Variants in THSD7A observed in about 807,000 individuals in gnomAD.
THSD7A encodes thrombospondin type 1 domain containing 7A.
Under a neutral mutation model 231.3 loss-of-function variants are expected in THSD7A, and 96 were observed. That is an observed-to-expected ratio of 0.41 (90% CI 0.35 to 0.49). The LOEUF (loss-of-function observed/expected upper bound fraction) is 0.49, where lower values mean the gene tolerates loss of function less well. Ranked by LOEUF, THSD7A falls within the 20% of genes least tolerant of loss-of-function variation. The pLI is 0.05. For missense variants in THSD7A, 2,290 were observed against 2,070.2 expected (o/e 1.11, Z -2.06); for synonymous variants, 940 against 743.3 (o/e 1.26, Z -4.30).
At chr7:11,439,666 C>G (rs907907707) in intron 13 of THSD7A, among the ~76,000 whole-genome samples, 1 of 151,976 alleles carries the variant, frequency 6.6e-6, no homozygotes, top group African/African-American at 2.4e-5. Flanking sequence ...TCAGAACATT[C>G]CCTTAAACCA....
At chr7:11,552,942 C>T (rs1789692987) in intron 4 of THSD7A, among the ~76,000 whole-genome samples, 1 of 152,070 alleles carries the variant, frequency 6.6e-6, no homozygotes, top group Non-Finnish European at 1.5e-5. Flanking sequence ...CCCCCTCCCT[C>T]GGGTCTTTTC....
At chr7:11,379,974 C>T (rs1341019267) in intron 24 of THSD7A, among the ~76,000 whole-genome samples, 1 of 152,156 alleles carries the variant, frequency 6.6e-6, no homozygotes, top group Non-Finnish European at 1.5e-5. Context: ...GATTTTATAG[C>T]TGCTATTTTG....
intron 4 of THSD7A, among the ~76,000 whole-genome samples, chr7:11,551,142 T>C (rs1213891314): frequency 1.3e-5 from 2 of 152,142 alleles, no homozygotes; most frequent in Non-Finnish European, 2.9e-5. Context: ...GCTAGTCATA[T>C]GCTGAAAATT....
intron 1 of THSD7A, among the ~76,000 whole-genome samples, chr7:11,754,953 A>T (rs1466412423): frequency 6.6e-6 from 1 of 151,962 alleles, no homozygotes; most frequent in Non-Finnish European, 1.5e-5. Flanking sequence ...TATGTTGAGT[A>T]AAAAAAAGTT....
intron 4 of THSD7A, among the ~76,000 whole-genome samples, chr7:11,569,455 C>T (rs1008946798): frequency 1.1e-4 from 17 of 151,990 alleles, no homozygotes; most frequent in Admixed American, 3.3e-4. Context: ...ATCAGGGTAA[C>T]GCAAATCAAA....
chr7:11,731,645 T>A (rs180797397), intron 1 of THSD7A, among the ~76,000 whole-genome samples: 21 of 151,700 alleles, frequency 1.4e-4, no homozygotes, highest in African/African-American at 5.1e-4. Flanking sequence ...TTGCCTGATC[T>A]AAATAAATAA....
rs555001206 is a variant in THSD7A at position 11,625,409 on chromosome 7, T to G, written c.1022+10721A>C. 2.0e-5 allele frequency among the ~76,000 whole-genome samples: 3 copies of G among 152,274 alleles called. No individual in the cohort carries two copies. In the East Asian group the frequency reaches 5.8e-4, roughly 29 times the overall value. ...TTTTGTCCACTTACAATTCAATTAC[T>G]ATACTGGTAAATACTACTCAAACAA... is the stretch of plus-strand genomic sequence containing the variant. On this transcript the variant is annotated intron_variant, in intron 2 of 27. Coordinates refer to ENST00000423059, the MANE Select transcript of THSD7A (RefSeq NM_015204.3).
intron 11 of THSD7A, among the ~76,000 whole-genome samples, chr7:11,456,469 A>G (rs1785312443): frequency 6.6e-6 from 1 of 152,058 alleles, no homozygotes; most frequent in Non-Finnish European, 1.5e-5. Flanking sequence ...ACTATAAAAT[A>G]GTTCTTTTAT....
At chr7:11,573,705 T>C (rs1258543424) in intron 4 of THSD7A, among the ~76,000 whole-genome samples, 1 of 152,222 alleles carries the variant, frequency 6.6e-6, no homozygotes, top group Non-Finnish European at 1.5e-5. Flanking sequence ...TGTGATATAT[T>C]CCTAAATATA....
chr7:11,548,769 A>T (rs1040337843), intron 4 of THSD7A, among the ~76,000 whole-genome samples: 2 of 152,126 alleles, frequency 1.3e-5, no homozygotes, highest in Non-Finnish European at 2.9e-5. Flanking sequence ...GATTATCTCA[A>T]TAGACGCAGA....
At chr7:11,776,436 T>TA (rs1286897981) in intron 1 of THSD7A, among the ~76,000 whole-genome samples, 2 of 152,006 alleles carry the variant, frequency 1.3e-5, no homozygotes, top group Non-Finnish European at 2.9e-5. Flanking sequence ...AAAAAGCAAA[T>TA]AAAAAAAGCC....
intron 1 of THSD7A, among the ~76,000 whole-genome samples, chr7:11,783,614 G>A (rs983506261): frequency 2.6e-5 from 4 of 152,170 alleles, no homozygotes; most frequent in South Asian, 2.1e-4. Context: ...TGCATAGGCA[G>A]GCAAAACCTT....
At chr7:11,705,225 T>TA (rs1228862061) in intron 1 of THSD7A, among the ~76,000 whole-genome samples, 1 of 150,948 alleles carries the variant, frequency 6.6e-6, no homozygotes, top group African/African-American at 2.4e-5. Context: ...CTAAATTTAA[T>TA]AAAAAGCCTC....
intron 22 of THSD7A, among the ~76,000 whole-genome samples, chr7:11,403,970 C>T (rs1221408678): frequency 6.6e-6 from 1 of 152,138 alleles, no homozygotes; most frequent in Non-Finnish European, 1.5e-5. Context: ...CAAAACCCAT[C>T]ATTAGAGAAA....
intron 1 of THSD7A, among the ~76,000 whole-genome samples, chr7:11,644,037 C>A (rs1489048156): frequency 1.6e-5 from 2 of 124,468 alleles, no homozygotes; most frequent in Non-Finnish European, 3.4e-5. Context: ...TTGGAGGGTT[C>A]ATCCTTTGAC....
At chr7:11,533,367 C>T (rs906207153) in intron 6 of THSD7A, among the ~76,000 whole-genome samples, 11 of 152,216 alleles carry the variant, frequency 7.2e-5, no homozygotes, top group South Asian at 2.1e-4. Flanking sequence ...GACTAGGAAA[C>T]GATTCCCAGA....
In THSD7A at chr7:11,770,761, T is replaced by C. The variant is rs1225587607; in HGVS notation, c.190+60996A>G. On this transcript the variant is annotated intron_variant, in intron 1 of 27. Coordinates refer to ENST00000423059, the MANE Select transcript of THSD7A (RefSeq NM_015204.3). ...TTAATGCTAAAGTAAGGTCAATATTTGTGGAATCACATTCTTTAACTCCAA... is the reference window on the plus strand; with the variant it reads ...TTAATGCTAAAGTAAGGTCAATATTCGTGGAATCACATTCTTTAACTCCAA... Among the ~76,000 whole-genome samples, 3 of 152,176 alleles carry C rather than the reference T, an allele frequency of 2.0e-5. No individual in the cohort carries two copies. The East Asian group carries it at 5.8e-4, about 29-fold the overall frequency.
intron 4 of THSD7A, among the ~76,000 whole-genome samples, chr7:11,558,259 G>C (rs534750307): frequency 2.0e-5 from 3 of 152,078 alleles, no homozygotes; most frequent in African/African-American, 4.8e-5. Context: ...ACAACTTCCA[G>C]GGAATATTTT....
At position 11,489,662 on chromosome 7, in the gene THSD7A, T is replaced by A. The variant is rs79133398; in HGVS notation, c.1823-7680A>T. On this transcript the variant is annotated intron_variant, in intron 6 of 27. Transcript: ENST00000423059. Reference sequence around the variant, plus strand: ...TTGCAAACTCAGGAATAACCCAATGTGCTTGGCATATCCCACTGTTCACCC... The same window carrying A: ...TTGCAAACTCAGGAATAACCCAATGAGCTTGGCATATCCCACTGTTCACCC... Among the ~76,000 whole-genome samples the A allele has an allele frequency of 5.5e-3, 838 of 152,210 alleles. 4 individuals are homozygous for A. The highest frequency in any genetic ancestry group is 0.024 in the Middle Eastern group (7 of 294).
Sources: allele counts gnomAD v4.1 joint callset (sites outside exome capture counted in the v4.1 genomes callset), GRCh38; gene constraint gnomAD v4.1.1; transcripts MANE v1.5; gene names NCBI Gene and HGNC (gene_info 2026-07-23, HGNC 2026-07-21).